Variants in IPCEF1 observed in about 807,000 individuals in gnomAD.
IPCEF1 encodes interactor protein for cytohesin exchange factors 1.
IPCEF1 carries 31 observed loss-of-function variants against 50.9 expected under a neutral mutation model. The observed-to-expected ratio is 0.61, with a 90% CI of 0.46 to 0.82. The LOEUF (loss-of-function observed/expected upper bound fraction) is 0.82, where lower values mean the gene tolerates loss of function less well. IPCEF1 is among the 40% of genes least tolerant of loss of function. The pLI is 0.00. For missense variants in IPCEF1, 458 were observed against 514.0 expected (o/e 0.89, Z 1.05); for synonymous variants, 181 against 192.0 (o/e 0.94, Z 0.47).
At position 154,212,843 on chromosome 6, in the gene IPCEF1, T is replaced by C. The variant is rs1428380875; in HGVS notation, c.464A>G (p.Glu155Gly). ...STTKDEECYS[E>G]SEQEDPEIAA... ...TATTTCTGGATCTTCCTGTTCACTT[T>C]CACTGTAACATTCTATAACAAAAAT... The change falls in exon 9 of 12, where the codon GAA becomes GGA. Residue 155 changes from glutamate (E) to glycine (G), a missense_variant. By Grantham distance (98) the Glu-to-Gly change is moderately conservative. Coordinates refer to ENST00000367220, the MANE Select transcript of IPCEF1 (RefSeq NM_001130700.2). 6.2e-7 allele frequency: 1 copy of C among 1,611,220 alleles called. No individual in the cohort carries two copies. The highest frequency in any genetic ancestry group is 1.1e-5 in the South Asian group (1 of 90,992).
intron 7 of IPCEF1, among the ~76,000 whole-genome samples, chr6:154,220,454 C>T (rs936107536): frequency 3.3e-5 from 5 of 152,040 alleles, no homozygotes; most frequent in African/African-American, 7.2e-5. Flanking sequence ...GTCAGGAGTT[C>T]GAGACCAGCC....
intron 6 of IPCEF1, among the ~76,000 whole-genome samples, chr6:154,221,701 G>T (rs538976345): frequency 6.6e-6 from 1 of 151,902 alleles, no homozygotes; most frequent in Non-Finnish European, 1.5e-5. Flanking sequence ...GTGAAACCCC[G>T]TCTCTACTAA....
chr6:154,342,412 C>A lies in IPCEF1; in HGVS notation c.-62+14260G>T, dbSNP rs572725395. 1.1e-4 allele frequency among the ~76,000 whole-genome samples: 16 copies of A among 152,264 alleles called. No homozygotes were observed. In the South Asian group the frequency reaches 3.3e-3, roughly 32 times the overall value. On this transcript the variant is annotated intron_variant, in intron 1 of 11. Coordinates refer to ENST00000367220, the MANE Select transcript of IPCEF1 (RefSeq NM_001130700.2). Reference sequence around the variant, plus strand: ...TGACTAAAGTCTCACAAGAATGTAACCATTCCTCTTACTACCTACTCACCC... The same window carrying A: ...TGACTAAAGTCTCACAAGAATGTAAACATTCCTCTTACTACCTACTCACCC...
Position 154,158,907 on chromosome 6 carries a change from T to G in IPCEF1, c.*921A>C, listed in dbSNP as rs985660981. On this transcript the variant is annotated 3_prime_UTR_variant, in exon 12 of 12. Coordinates refer to ENST00000367220, the MANE Select transcript of IPCEF1 (RefSeq NM_001130700.2). ...CTCTTTTGTTGCTTCCATGGGTTTT[T>G]GTTTTTTTGTTTTTTTGAGTAAAGA... is the stretch of plus-strand genomic sequence containing the variant. 6.6e-6 allele frequency: 1 copy of G among 151,854 alleles called. No homozygotes were observed. The highest frequency in any genetic ancestry group is 6.5e-5 in the Admixed American group (1 of 15,272). The allele number at this position is 151,854 out of a possible 1,614,324, so 9.4% of individuals were successfully genotyped here.
At chr6:154,221,401 G>T in intron 6 of IPCEF1, 73 bp from the exon 7 acceptor site, 1 of 1,144,118 alleles carries the variant, frequency 8.7e-7, no homozygotes, top group Non-Finnish European at 1.3e-6. Context: ...AAGTAAATCA[G>T]TAAAATACAA....
rs147723463 is a variant in IPCEF1 at position 154,259,578 on chromosome 6, GGAGGCA to G, written c.36+6328_36+6333del. 5.5e-3 allele frequency among the ~76,000 whole-genome samples: 832 copies of G among 152,210 alleles called. 4 individuals are homozygous for G. The highest frequency in any genetic ancestry group is 0.019 in the African/African-American group (796 of 41,506). On this transcript the variant is annotated intron_variant, in intron 3 of 11. Transcript: ENST00000367220. Reference sequence around the variant, plus strand: ...GAGGCAGGAAAATCACTTGAACCTGGGAGGCAGAGGTTGTGGTGAACCGAGATCGCT... The same window carrying G: ...GAGGCAGGAAAATCACTTGAACCTGGGAGGTTGTGGTGAACCGAGATCGCT...
At chr6:154,339,045 T>C (rs1783849288) in intron 1 of IPCEF1, among the ~76,000 whole-genome samples, 1 of 152,214 alleles carries the variant, frequency 6.6e-6, no homozygotes, top group African/African-American at 2.4e-5. Context: ...GTTATTTCAA[T>C]GTAAATTATT....
intron 9 of IPCEF1, among the ~76,000 whole-genome samples, chr6:154,203,264 G>A (rs1027066028): frequency 6.6e-6 from 1 of 152,078 alleles, no homozygotes; most frequent in Non-Finnish European, 1.5e-5. Context: ...TCGTGTGTCT[G>A]TTCAAACACC....
At chr6:154,330,415 T>G (rs981294493) in intron 1 of IPCEF1, among the ~76,000 whole-genome samples, 1 of 142,896 alleles carries the variant, frequency 7.0e-6, no homozygotes, top group Non-Finnish European at 1.5e-5. Context: ...GCTCACTATA[T>G]AGCCTCAACC....
chr6:154,161,089 C>T (rs1019390535), intron 11 of IPCEF1, among the ~76,000 whole-genome samples: 12 of 152,214 alleles, frequency 7.9e-5, no homozygotes, highest in African/African-American at 2.9e-4. Flanking sequence ...CTCACACCTC[C>T]GTGTTGTTGT....
chr6:154,267,495 T>C (rs1233166508), intron 2 of IPCEF1, among the ~76,000 whole-genome samples: 1 of 152,232 alleles, frequency 6.6e-6, no homozygotes. Flanking sequence ...GATCTTTGGG[T>C]TGTCGCTCTT....
intron 1 of IPCEF1, among the ~76,000 whole-genome samples, chr6:154,339,733 G>A (rs1474210240): frequency 6.6e-6 from 1 of 151,976 alleles, no homozygotes; most frequent in Non-Finnish European, 1.5e-5. Flanking sequence ...GGGACTACAA[G>A]CGCACACCAC....
chr6:154,309,658 C>T (rs920251581), intron 1 of IPCEF1, among the ~76,000 whole-genome samples: 6 of 152,096 alleles, frequency 3.9e-5, no homozygotes, highest in East Asian at 1.9e-4. Flanking sequence ...TATCTTTAGA[C>T]AATTCCTCTC....
chr6:154,166,761 G>C (rs1324125732), intron 11 of IPCEF1, among the ~76,000 whole-genome samples: 7 of 152,118 alleles, frequency 4.6e-5, no homozygotes, highest in African/African-American at 1.7e-4. Context: ...ACTCATATCA[G>C]CTATCACAGA....
intron 1 of IPCEF1, among the ~76,000 whole-genome samples, chr6:154,326,485 A>T (rs1783522881): frequency 6.6e-6 from 1 of 152,170 alleles, no homozygotes; most frequent in African/African-American, 2.4e-5. Context: ...AAAGAATAAA[A>T]TATCTAGGAA....
At chr6:154,162,926 A>G (rs1451797008) in intron 11 of IPCEF1, among the ~76,000 whole-genome samples, 1 of 152,094 alleles carries the variant, frequency 6.6e-6, no homozygotes. Context: ...ACCAACTTCC[A>G]ATGCACACCA....
intron 7 of IPCEF1, among the ~76,000 whole-genome samples, chr6:154,220,550 G>A (rs997291613): frequency 6.6e-6 from 1 of 152,148 alleles, no homozygotes; most frequent in African/African-American, 2.4e-5. Flanking sequence ...GCTGATGCAG[G>A]AGAATCATTC....
chr6:154,313,722 A>G (rs944331545), intron 1 of IPCEF1, among the ~76,000 whole-genome samples: 1 of 152,002 alleles, frequency 6.6e-6, no homozygotes, highest in East Asian at 1.9e-4. Context: ...CCAGAAATTC[A>G]TCTTCTGGTT....
At chr6:154,254,729 GTGGT>G (rs936771707) in intron 3 of IPCEF1, among the ~76,000 whole-genome samples, 4 of 152,048 alleles carry the variant, frequency 2.6e-5, no homozygotes, top group African/African-American at 7.2e-5. Context: ...AACTTTCTGT[GTGGT>G]TGGTTGGTTG....
Sources: allele counts gnomAD v4.1 joint callset (sites outside exome capture counted in the v4.1 genomes callset), GRCh38; gene constraint gnomAD v4.1.1; transcripts MANE v1.5; gene names NCBI Gene and HGNC (gene_info 2026-07-23, HGNC 2026-07-21).